Variants in LGR4 observed in about 807,000 individuals in gnomAD.
LGR4 encodes leucine rich repeat containing G protein-coupled receptor 4, also known as leucine-rich repeat-containing G protein-coupled receptor 4.
LGR4 carries 44 observed loss-of-function variants against 84.8 expected under a neutral mutation model. The observed-to-expected ratio is 0.52, with a 90% CI of 0.41 to 0.67. LGR4 has a LOEUF of 0.67. Ranked by LOEUF, LGR4 falls within the 30% of genes least tolerant of loss-of-function variation. LGR4 has a pLI of 0.00. For synonymous variants in LGR4, 429 were observed against 434.3 expected, an observed-to-expected ratio of 0.99 and a Z score of 0.15; for missense variants, 1,032 against 1,131.4, an observed-to-expected ratio of 0.91 and a Z score of 1.26.
chr11:27,445,562 A>T (rs4536164), intron 1 of LGR4, among the ~76,000 whole-genome samples: 1 of 151,872 alleles, frequency 6.6e-6, no homozygotes, highest in African/African-American at 2.4e-5. Flanking sequence ...CTCCTCCCCC[A>T]ACGAATACAG....
At position 27,392,394 on chromosome 11, in the gene LGR4, C is replaced by T. The variant is rs189969032; in HGVS notation, c.329+53G>A. On this transcript the variant is annotated intron_variant, in intron 3 of 17. Transcript: ENST00000379214. ...AACCTAGTTCCAAGCATGTTGACTA[C>T]GCAGAAAGAAAATACACAGCCAGCT... 3.9e-4 allele frequency: 532 copies of T among 1,375,470 alleles called. 3 individuals carry two copies. The highest frequency in any genetic ancestry group is 1.3e-3 in the African/African-American group (87 of 68,028). The allele number at this position is 1,375,470 out of a possible 1,614,324, so 85.2% of individuals were successfully genotyped here.
intron 6 of LGR4, among the ~76,000 whole-genome samples, chr11:27,383,486 G>A (rs1159852766): frequency 6.6e-6 from 1 of 152,112 alleles, no homozygotes; most frequent in Non-Finnish European, 1.5e-5. Flanking sequence ...TCCTCTACAA[G>A]ATTTTCAACT....
At chr11:27,425,791 T>C (rs537527758) in intron 1 of LGR4, among the ~76,000 whole-genome samples, 1 of 152,284 alleles carries the variant, frequency 6.6e-6, no homozygotes, top group South Asian at 2.1e-4. Context: ...GAAAAAGGGC[T>C]TGAATAAAAG....
At position 27,385,375 on chromosome 11, in the gene LGR4, C is replaced by A; in HGVS notation, c.495G>T (p.Leu165Phe). ...LRHLWLDDNSLTEVPVHPLSN... is the reference protein window; with the variant it reads ...LRHLWLDDNSFTEVPVHPLSN... ...TGAGGGGGTGCACAGGCACCTCCGT[C>A]AAGCTGTTGTCATCCAGCCACAGAT... The change falls in exon 5 of 18, where the codon TTG (leucine) becomes TTT (phenylalanine). Residue 165 changes from leucine to phenylalanine, a missense_variant. Coordinates refer to ENST00000379214, the MANE Select transcript of LGR4 (RefSeq NM_018490.5). 2 of 1,612,568 alleles carry A rather than the reference C, an allele frequency of 1.2e-6. No individual in the cohort carries two copies. The highest frequency in any genetic ancestry group is 4.5e-5 in the East Asian group (2 of 44,856).
chr11:27,467,563 T>C (rs1267576271), intron 1 of LGR4, among the ~76,000 whole-genome samples: 2 of 93,634 alleles, frequency 2.1e-5, no homozygotes, highest in Non-Finnish European at 5.5e-5. Flanking sequence ...CAAGAGTCCG[T>C]CTCAAAAAAA....
rs1862807878 is a variant in LGR4, at chr11:27,368,349, A to G, written c.2374T>C (p.Leu792=). 6.2e-7 allele frequency: 1 copy of G among 1,614,076 alleles called. No homozygotes were observed. Residue 792 remains leucine, a synonymous_variant, in exon 18 of 18, where the codon TTG becomes CTG. Transcript: ENST00000379214. ...AGGACTGGATTCAGGCAAGCAGGCA[A>G]TGGAAAAAATATCAGAGTAACAGAC... is the stretch of plus-strand genomic sequence containing the variant. The part of the protein sequence containing the change: ...MKSVTLIFFP[L]PACLNPVLYV...
At chr11:27,397,125 G>A (rs1299358746) in intron 2 of LGR4, among the ~76,000 whole-genome samples, 1 of 152,130 alleles carries the variant, frequency 6.6e-6, no homozygotes, top group Non-Finnish European at 1.5e-5. Context: ...ACTAAGCACC[G>A]TTATTACATC....
chr11:27,445,120 C>A (rs970180112), intron 1 of LGR4, among the ~76,000 whole-genome samples: 1 of 152,160 alleles, frequency 6.6e-6, no homozygotes, highest in African/African-American at 2.4e-5. Flanking sequence ...CCTTCCAATC[C>A]CCAAGGCAGA....
intron 1 of LGR4, among the ~76,000 whole-genome samples, chr11:27,419,921 T>C (rs1041380082): frequency 6.6e-6 from 1 of 151,864 alleles, no homozygotes; most frequent in Non-Finnish European, 1.5e-5. Flanking sequence ...GTGGCAACAG[T>C]TGGGGGGTGG....
At chr11:27,447,641 T>C (rs1304131846) in intron 1 of LGR4, among the ~76,000 whole-genome samples, 1 of 152,216 alleles carries the variant, frequency 6.6e-6, no homozygotes, top group East Asian at 1.9e-4. Flanking sequence ...ACATTCTTAA[T>C]AAACTTGTTT....
At chr11:27,374,602 T>C (rs1372950792) in intron 13 of LGR4, among the ~76,000 whole-genome samples, 1 of 152,194 alleles carries the variant, frequency 6.6e-6, no homozygotes, top group Non-Finnish European at 1.5e-5. Flanking sequence ...TCTGATATTA[T>C]AGAATTAATA....
intron 12 of LGR4, among the ~76,000 whole-genome samples, chr11:27,376,942 CCCCGCA>C (rs922165016): frequency 1.8e-4 from 28 of 152,174 alleles, no homozygotes; most frequent in African/African-American, 6.8e-4. Flanking sequence ...TCCAACTCCC[CCCCGCA>C]TAGCGTTTCA....
chr11:27,395,806 T>C (rs1863380314), intron 2 of LGR4, among the ~76,000 whole-genome samples: 2 of 152,212 alleles, frequency 1.3e-5, no homozygotes, highest in South Asian at 4.1e-4. Context: ...GTAAAAGCTC[T>C]GCAGCTCCAG....
At chr11:27,396,048 T>G (rs1863386155) in intron 2 of LGR4, among the ~76,000 whole-genome samples, 1 of 152,184 alleles carries the variant, frequency 6.6e-6, no homozygotes, top group African/African-American at 2.4e-5. Context: ...CATTCTTTCA[T>G]TTTAATCATC....
intron 1 of LGR4, among the ~76,000 whole-genome samples, chr11:27,465,465 T>C (rs1224154228): frequency 4.6e-5 from 7 of 152,354 alleles, no homozygotes; most frequent in Non-Finnish European, 8.8e-5. Context: ...TTTAATTGCC[T>C]GGACACGACA....
chr11:27,392,925 A>T (rs1271993543), intron 2 of LGR4, among the ~76,000 whole-genome samples: 2 of 152,200 alleles, frequency 1.3e-5, no homozygotes, highest in Non-Finnish European at 2.9e-5. Context: ...TCAAGGAAGA[A>T]TGCTTTTGGG....
intron 1 of LGR4, among the ~76,000 whole-genome samples, chr11:27,459,602 A>G (rs1864643453): frequency 6.6e-6 from 1 of 151,048 alleles, no homozygotes; most frequent in East Asian, 2.0e-4. Flanking sequence ...TCATCCTCCC[A>G]AATAGCTGGG....
intron 13 of LGR4, among the ~76,000 whole-genome samples, 198 bp downstream of exon 13, chr11:27,376,101 C>T (rs2472628): frequency 0.4 from 61,111 of 151,608 alleles, 12,600 homozygotes; most frequent in African/African-American, 0.48. Flanking sequence ...CTCAGCCTCC[C>T]GAGTAGCTGG....
At chr11:27,458,640 G>A (rs372531857) in intron 1 of LGR4, among the ~76,000 whole-genome samples, 2 of 152,084 alleles carry the variant, frequency 1.3e-5, no homozygotes, top group African/African-American at 4.8e-5. Flanking sequence ...CCGGGTTCAA[G>A]CAATTCTACT....
Sources: gnomAD v4.1 joint callset for allele counts (sites outside exome capture counted in the v4.1 genomes callset) on GRCh38, gnomAD v4.1.1 for gene constraint, MANE v1.5 for transcripts, NCBI Gene and HGNC (gene_info 2026-07-23, HGNC 2026-07-21) for gene names.